Variants in BIRC3 observed in about 807,000 individuals in gnomAD.
BIRC3 encodes baculoviral IAP repeat-containing protein 3.
BIRC3 carries 26 observed loss-of-function variants against 59.0 expected under a neutral mutation model. That is an observed-to-expected ratio of 0.44 (90% confidence interval 0.32 to 0.61). The LOEUF is 0.61. BIRC3 is among the 20% of genes least tolerant of loss of function. The pLI, the probability that BIRC3 is intolerant of heterozygous loss-of-function variation, is 0.04. For synonymous variants in BIRC3, 243 were observed against 249.2 expected (o/e 0.98, Z 0.24); for missense variants, 641 against 711.5 (o/e 0.90, Z 1.13).
In BIRC3 at chr11:102,331,133, A is replaced by G; in HGVS notation, c.1216A>G (p.Thr406Ala). ...KQTVQRKILATGENYRLVNDL... is the reference protein window; with the variant it reads ...KQTVQRKILAAGENYRLVNDL... ...GACAGTTCAGAGAAAAATCCTAGCA[A>G]CTGGAGAGAATTATAGACTAGTCAA... Residue 406 changes from threonine to alanine, a missense_variant, in exon 6 of 9, where the codon ACT (threonine) becomes GCT (alanine). This residue lies in a region of BIRC3 where 268 missense variants were observed against 255.7 expected (regional missense o/e 1.05). Coordinates refer to ENST00000263464, the MANE Select transcript of BIRC3 (RefSeq NM_001165.5). 1 of 1,613,846 alleles carries G rather than the reference A, an allele frequency of 6.2e-7. No homozygotes were observed. The highest frequency in any genetic ancestry group is 8.5e-7 in the Non-Finnish European group (1 of 1,179,862).
At chr11:102,328,011 G>C (rs372819301) in intron 3 of BIRC3, 41 bp from the exon 4 acceptor site, 10 of 1,467,356 alleles carry the variant, frequency 6.8e-6, no homozygotes, top group African/African-American at 1.4e-5. Flanking sequence ...CATTTCACTT[G>C]TATAAATAAT....
rs777429321 is a variant in BIRC3 at position 102,328,873 on chromosome 11, TATA to T, written c.1033-23_1033-21del. The T allele has an allele frequency of 1.1e-4, 98 of 856,118 alleles. No individual in the cohort carries two copies. In the Middle Eastern group the frequency reaches 1.3e-3, roughly 12 times the overall value. The allele number at this position is 856,118 out of a possible 1,614,324, so 53.0% of individuals were successfully genotyped here. On this transcript the variant is annotated intron_variant, in intron 4 of 8. Coordinates refer to ENST00000263464, the MANE Select transcript of BIRC3 (RefSeq NM_001165.5). ...CTATTTTAATTTATATATATATATATATATATATTTTTTTTTTCTGCAGCTGCT... is the reference window on the plus strand; with the variant it reads ...CTATTTTAATTTATATATATATATATTATATTTTTTTTTTCTGCAGCTGCT...
At chr11:102,334,429 A>G (rs1270623454) in intron 6 of BIRC3, among the ~76,000 whole-genome samples, 2 of 152,126 alleles carry the variant, frequency 1.3e-5, no homozygotes, top group Non-Finnish European at 2.9e-5. Context: ...ATATGTCTTT[A>G]GCCTTGTCTT....
At chr11:102,327,433 G>C (rs917165023) in intron 3 of BIRC3, among the ~76,000 whole-genome samples, 1 of 152,080 alleles carries the variant, frequency 6.6e-6, no homozygotes, top group Non-Finnish European at 1.5e-5. Flanking sequence ...TTGAGGTCAG[G>C]AGTTCGAGAC....
intron 1 of BIRC3, among the ~76,000 whole-genome samples, chr11:102,320,668 A>G (rs1308867613): frequency 6.6e-6 from 1 of 152,246 alleles, no homozygotes; most frequent in African/African-American, 2.4e-5. Context: ...ATTTTTCTCA[A>G]AACATATGTC....
chr11:102,334,561 G>A (rs1158267844), intron 6 of BIRC3, among the ~76,000 whole-genome samples: 1 of 152,038 alleles, frequency 6.6e-6, no homozygotes, highest in Non-Finnish European at 1.5e-5. Flanking sequence ...GACAAAGTCA[G>A]TGTATCTAAA....
At chr11:102,330,901 T>C (rs1423646056) in intron 5 of BIRC3, 98 bp from the exon 6 acceptor site, 1 of 1,250,042 alleles carries the variant, frequency 8.0e-7, no homozygotes, top group Non-Finnish European at 1.1e-6. Flanking sequence ...ACATTTTTAA[T>C]ATTATAAAAC....
At chr11:102,326,835 A>C (rs1307420176) in intron 3 of BIRC3, 1 of 452,346 alleles carries the variant, frequency 2.2e-6, no homozygotes, top group Non-Finnish European at 4.4e-6. Flanking sequence ...GAGCCTCGCT[A>C]GTAGCTGGGA....
At chr11:102,336,569 G>A (rs552270151) in intron 7 of BIRC3, 191 bp from the exon 8 acceptor site, 1 of 624,084 alleles carries the variant, frequency 1.6e-6, no homozygotes, top group Admixed American at 3.5e-5. Flanking sequence ...ACTCCAGCTT[G>A]GGTGACAGAC....
intron 5 of BIRC3, 124 bp from the exon 6 acceptor site, chr11:102,330,875 A>C: frequency 1.1e-6 from 1 of 946,684 alleles, no homozygotes; most frequent in Non-Finnish European, 1.5e-6. Flanking sequence ...TAATGCCTAT[A>C]CATTTTGTTG....
Position 102,322,488 on chromosome 11 carries a change from G to T in BIRC3, c.-2022G>T, listed in dbSNP as rs1951040580. On this transcript the variant is annotated 5_prime_UTR_variant, in exon 2 of 9. The change abolishes an upstream ATG in the 5' untranslated region. Transcript: ENST00000263464. ...TAAATGGGCTGTTACCGCTGAGAAT[G>T]ATGAGGATGAGAATGATGGTTGAAG... 1 of 205,680 alleles carries T rather than the reference G, an allele frequency of 4.9e-6. No individual in the cohort carries two copies. 12.7% of individuals were successfully genotyped at this position (205,680 alleles called of 1,614,324 possible). A position where few individuals can be genotyped will look rare whatever the true frequency, so the allele number is the denominator to read the frequency against.
In BIRC3 at chr11:102,323,522, T is replaced by C. The variant is rs1193797154; in HGVS notation, c.-988T>C. 5.4e-6 allele frequency: 1 copy of C among 186,672 alleles called. No homozygotes were observed. Among genetic ancestry groups the C allele is most frequent in the Non-Finnish European group, 1.1e-5 (1 of 88,374 alleles). The allele number at this position is 186,672 out of a possible 1,614,324, so 11.6% of individuals were successfully genotyped here. On this transcript the variant is annotated 5_prime_UTR_variant, in exon 2 of 9. Coordinates refer to ENST00000263464, the MANE Select transcript of BIRC3 (RefSeq NM_001165.5). ...GAACAAACACATTAATCTCTGATTA[T>C]TTATTTTAAATAGAATATTTAATTG...
chr11:102,335,886 T>A, intron 6 of BIRC3, 80 bp from the exon 7 acceptor site: 1 of 1,396,528 alleles, frequency 7.2e-7, no homozygotes, highest in South Asian at 1.4e-5. Flanking sequence ...ATAGTTTTTA[T>A]CCTGCTATAT....
At position 102,325,295 on chromosome 11, in the gene BIRC3, C is replaced by CT; in HGVS notation, c.789dup (p.Asn264Ter). 6.2e-7 allele frequency: 1 copy of CT among 1,614,074 alleles called. No individual in the cohort carries two copies. Among genetic ancestry groups the CT allele is most frequent in the Non-Finnish European group, 8.5e-7 (1 of 1,179,964 alleles). ...CACATGCAGCCCGCTTTAAAACATT[C>CT]TTTAACTGGCCCTCTAGTGTTCTAG... On this transcript the variant is annotated frameshift_variant, in exon 2 of 9. Coordinates refer to ENST00000263464, the MANE Select transcript of BIRC3 (RefSeq NM_001165.5). LOFTEE classifies it high-confidence loss of function.
In BIRC3 at chr11:102,328,952, A is replaced by G; in HGVS notation, c.1081+7A>G. ...GAAAATGCAGAGTCATCAAGTAAGT[A>G]CAATGGATAATAATGAATGCATTTA... On this transcript the variant is annotated splice_region_variant and intron_variant, in intron 5 of 8. Transcript: ENST00000263464. The G allele has an allele frequency of 2.1e-6, 3 of 1,461,272 alleles. No homozygotes were observed. The highest frequency in any genetic ancestry group is 2.7e-6 in the Non-Finnish European group (3 of 1,104,298). 90.5% of individuals were successfully genotyped at this position (1,461,272 alleles called of 1,614,324 possible).
At position 102,322,486 on chromosome 11, in the gene BIRC3, A is replaced by G. The variant is rs1375592976; in HGVS notation, c.-2024A>G. 4.9e-6 allele frequency: 1 copy of G among 205,200 alleles called. No individual in the cohort carries two copies. The highest frequency in any genetic ancestry group is 2.3e-5 in the African/African-American group (1 of 43,790). The allele number at this position is 205,200 out of a possible 1,614,324, so 12.7% of individuals were successfully genotyped here. On this transcript the variant is annotated 5_prime_UTR_variant, in exon 2 of 9. An upstream start codon of the reference 5' UTR is lost. Transcript: ENST00000263464. ...TTTAAATGGGCTGTTACCGCTGAGA[A>G]TGATGAGGATGAGAATGATGGTTGA...
rs755612548 is a variant in BIRC3 at position 102,328,885 on chromosome 11, T to TA, written c.1033-12_1033-11insA. 328 of 1,144,558 alleles carry TA rather than the reference T, an allele frequency of 2.9e-4. 3 individuals carry two copies. The African/African-American group carries it at 5.0e-3, about 17-fold the overall frequency. The allele number at this position is 1,144,558 out of a possible 1,614,324, so 70.9% of individuals were successfully genotyped here. ...ATATATATATATATATATATATTTT[T>TA]TTTTTCTGCAGCTGCTATCCACATC... On this transcript the variant is annotated splice_polypyrimidine_tract_variant and intron_variant, in intron 4 of 8. Transcript: ENST00000263464.
chr11:102,319,658 G>A (rs192908900), intron 1 of BIRC3, among the ~76,000 whole-genome samples: 9 of 152,312 alleles, frequency 5.9e-5, no homozygotes, highest in East Asian at 5.8e-4. Flanking sequence ...ATGAGATGGA[G>A]TGCAGTGGAG....
intron 6 of BIRC3, among the ~76,000 whole-genome samples, chr11:102,331,861 A>T (rs529903663): frequency 6.6e-5 from 10 of 152,056 alleles, no homozygotes; most frequent in Admixed American, 3.3e-4. Context: ...CACTGGTCTC[A>T]AACTCCTGAC....
Sources: gnomAD v4.1 joint callset for allele counts (sites outside exome capture counted in the v4.1 genomes callset) on GRCh38, gnomAD v4.1.1 for gene constraint, gnomAD v4.1.1 regional missense constraint, MANE v1.5 for transcripts, NCBI Gene and HGNC (gene_info 2026-07-23, HGNC 2026-07-21) for gene names.